The following LRRTM4 variants were observed in gnomAD, a reference collection of about 807,000 sequenced individuals.
The protein encoded by LRRTM4 is leucine-rich repeat transmembrane neuronal protein 4.
A neutral mutation model predicts 47.6 loss-of-function variants in LRRTM4; 25 were observed. The observed-to-expected ratio is 0.53, with a 90% CI of 0.38 to 0.73. The LOEUF is 0.73. LRRTM4 is among the 30% of genes least tolerant of loss of function. The probability of loss-of-function intolerance (pLI) is 0.00; values close to 1 mark genes in which losing one functional copy is unlikely to be tolerated. For missense variants in LRRTM4, 638 were observed against 713.4 expected, an observed-to-expected ratio of 0.89 and a Z score of 1.20; for synonymous variants, 311 against 269.5, an observed-to-expected ratio of 1.15 and a Z score of -1.51.
chr2:76,906,430 T>C (rs1673842091), intron 3 of LRRTM4, among the ~76,000 whole-genome samples: 1 of 149,306 alleles, frequency 6.7e-6, no homozygotes, highest in Non-Finnish European at 1.5e-5. Context: ...AGGAAGAAAC[T>C]GCATCAACTA....
chr2:76,779,216 G>A (rs1305545629), intron 3 of LRRTM4, among the ~76,000 whole-genome samples: 2 of 152,000 alleles, frequency 1.3e-5, no homozygotes, highest in Admixed American at 6.6e-5. Flanking sequence ...GTGGTGTGGT[G>A]CTGAAAAAAA....
At chr2:76,801,078 G>T (rs1282735077) in intron 3 of LRRTM4, among the ~76,000 whole-genome samples, 1 of 150,812 alleles carries the variant, frequency 6.6e-6, no homozygotes, top group Non-Finnish European at 1.5e-5. Context: ...CTGTAAACTA[G>T]TTCGACCATT....
Position 77,493,375 on chromosome 2 carries a change from A to G in LRRTM4, c.1551+24943T>C, listed in dbSNP as rs559237026. ...ATTTCTGATAGTCATTTTTAAAACA[A>G]TGATATATATATTCAAACTTCTGGA... On this transcript the variant is annotated intron_variant, in intron 3 of 3. Coordinates refer to ENST00000409884, the MANE Select transcript of LRRTM4 (RefSeq NM_001134745.3). 6.6e-5 allele frequency among the ~76,000 whole-genome samples: 10 copies of G among 152,176 alleles called. No individual in the cohort carries two copies. The South Asian group carries it at 2.1e-3, about 32-fold the overall frequency.
intron 3 of LRRTM4, among the ~76,000 whole-genome samples, chr2:77,246,931 A>G (rs1675463757): frequency 6.6e-6 from 1 of 152,172 alleles, no homozygotes; most frequent in African/African-American, 2.4e-5. Context: ...GGATGAATAT[A>G]TAGTACTATT....
At chr2:77,449,529 A>G (rs575598875) in intron 3 of LRRTM4, among the ~76,000 whole-genome samples, 1 of 152,290 alleles carries the variant, frequency 6.6e-6, no homozygotes, top group Admixed American at 6.5e-5. Context: ...CCAAAGTTAT[A>G]GAAACTAAAA....
intron 3 of LRRTM4, among the ~76,000 whole-genome samples, chr2:77,397,655 G>C (rs73941272): frequency 0.033 from 4,978 of 151,892 alleles, 279 homozygotes; most frequent in African/African-American, 0.11. Context: ...CTAGATTACT[G>C]ATAGCTATTA....
At position 77,207,372 on chromosome 2, in the gene LRRTM4, T is replaced by TATATACACACAC. The variant is rs59335400; in HGVS notation, c.1551+310945_1551+310946insGTGTGTGTATAT. On this transcript the variant is annotated intron_variant, in intron 3 of 3. Transcript: ENST00000409884. ...GTGTATATATATATATATATATATA[T>TATATACACACAC]ACACACACACATATTTATATACACA... Among the ~76,000 whole-genome samples the TATATACACACAC allele has an allele frequency of 2.4e-3, 310 of 131,066 alleles. 6 individuals are homozygous for TATATACACACAC. Among genetic ancestry groups the TATATACACACAC allele is most frequent in the African/African-American group, 8.5e-3 (262 of 30,914 alleles). 86.0% of individuals were successfully genotyped at this position (131,066 alleles called of 152,430 possible).
chr2:76,887,273 T>G (rs554193790), intron 3 of LRRTM4, among the ~76,000 whole-genome samples: 4 of 151,872 alleles, frequency 2.6e-5, no homozygotes, highest in African/African-American at 9.6e-5. Context: ...GGTATAGCAT[T>G]ATCATGAGAA....
At chr2:76,770,766 A>G (rs1326135845) in intron 3 of LRRTM4, among the ~76,000 whole-genome samples, 1 of 152,214 alleles carries the variant, frequency 6.6e-6, no homozygotes, top group African/African-American at 2.4e-5. Flanking sequence ...ACCCCCCAGT[A>G]GTACAATTGA....
At chr2:76,823,759 C>T (rs1451790936) in intron 3 of LRRTM4, among the ~76,000 whole-genome samples, 191 of 151,246 alleles carry the variant, frequency 1.3e-3, no homozygotes, top group Non-Finnish European at 2.7e-3. Flanking sequence ...ATTAAGTCTT[C>T]TAGATATCAA....
intron 3 of LRRTM4, among the ~76,000 whole-genome samples, chr2:76,834,841 C>A (rs942621271): frequency 6.6e-6 from 1 of 152,082 alleles, no homozygotes; most frequent in Non-Finnish European, 1.5e-5. Flanking sequence ...TGCAATAGTA[C>A]TTGAATAAAT....
chr2:77,100,898 C>T (rs933813142), intron 3 of LRRTM4, among the ~76,000 whole-genome samples: 5 of 138,098 alleles, frequency 3.6e-5, no homozygotes, highest in Admixed American at 1.6e-4. Context: ...TGCAGTGGTG[C>T]GATCTCGGCT....
At chr2:77,306,800 T>C (rs1191294631) in intron 3 of LRRTM4, among the ~76,000 whole-genome samples, 1 of 151,976 alleles carries the variant, frequency 6.6e-6, no homozygotes, top group Admixed American at 6.6e-5. Context: ...AAATTATAAT[T>C]AATGAGGTGA....
At chr2:77,414,069 C>A (rs1388495847) in intron 3 of LRRTM4, among the ~76,000 whole-genome samples, 1 of 152,166 alleles carries the variant, frequency 6.6e-6, no homozygotes, top group Non-Finnish European at 1.5e-5. Context: ...TATACTGTTA[C>A]CTCAAATCAA....
At chr2:77,395,493 A>G (rs1673667384) in intron 3 of LRRTM4, among the ~76,000 whole-genome samples, 1 of 151,994 alleles carries the variant, frequency 6.6e-6, no homozygotes, top group Non-Finnish European at 1.5e-5. Context: ...CAGTGCTTGA[A>G]TTTAGCTAGT....
intron 3 of LRRTM4, among the ~76,000 whole-genome samples, chr2:77,085,648 G>A (rs1224004317): frequency 6.6e-6 from 1 of 151,990 alleles, no homozygotes; most frequent in African/African-American, 2.4e-5. Context: ...TGACACAATT[G>A]CTTTAATTTT....
At chr2:77,364,890 A>T (rs1420663803) in intron 3 of LRRTM4, among the ~76,000 whole-genome samples, 2 of 152,032 alleles carry the variant, frequency 1.3e-5, no homozygotes, top group African/African-American at 2.4e-5. Context: ...AATCCCCAAT[A>T]ATTACATAAT....
At chr2:77,008,476 C>T (rs998881590) in intron 3 of LRRTM4, among the ~76,000 whole-genome samples, 19 of 152,234 alleles carry the variant, frequency 1.2e-4, no homozygotes, top group African/African-American at 4.6e-4. Context: ...AGTCTGATTT[C>T]ACCACTGATA....
intron 3 of LRRTM4, among the ~76,000 whole-genome samples, chr2:77,252,895 C>T (rs1231878216): frequency 6.6e-6 from 1 of 152,148 alleles, no homozygotes; most frequent in Non-Finnish European, 1.5e-5. Flanking sequence ...TGCCTCTCAC[C>T]TAGACATGTA....
Sources: allele counts gnomAD v4.1 joint callset (sites outside exome capture counted in the v4.1 genomes callset), GRCh38; gene constraint gnomAD v4.1.1; transcripts MANE v1.5; gene names NCBI Gene and HGNC (gene_info 2026-07-23, HGNC 2026-07-21).